Variants in CNTNAP4 observed in about 807,000 individuals in gnomAD.
The protein encoded by CNTNAP4 is contactin associated protein family member 4.
A neutral mutation model predicts 148.4 loss-of-function variants in CNTNAP4; 98 were observed. The observed-to-expected ratio is 0.66, with a 90% CI of 0.56 to 0.78. CNTNAP4 has a LOEUF of 0.78. Among genes scored for constraint, CNTNAP4 ranks in the 30% least tolerant of loss-of-function variants. The pLI is 0.00. For missense variants in CNTNAP4, 1,935 were observed against 1,565.6 expected (o/e 1.24, Z -3.98); for synonymous variants, 730 against 565.1 (o/e 1.29, Z -4.14).
intron 3 of CNTNAP4, among the ~76,000 whole-genome samples, chr16:76,382,387 A>T (rs2016069961): frequency 6.6e-6 from 1 of 151,656 alleles, no homozygotes. Context: ...TCCCATTGCC[A>T]AAAAAATCTT....
At chr16:76,361,076 A>G (rs1408922707) in intron 3 of CNTNAP4, among the ~76,000 whole-genome samples, 1 of 151,240 alleles carries the variant, frequency 6.6e-6, no homozygotes, top group African/African-American at 2.4e-5. Context: ...GCCTGCCTCA[A>G]CCTCCCAAAG....
At chr16:76,490,930 G>A (rs2082195896) in intron 13 of CNTNAP4, among the ~76,000 whole-genome samples, 1 of 152,106 alleles carries the variant, frequency 6.6e-6, no homozygotes, top group South Asian at 2.1e-4. Context: ...AAGAAGGGCT[G>A]GAGTTTCAGA....
intron 4 of CNTNAP4, among the ~76,000 whole-genome samples, chr16:76,447,356 T>TTATATATATATATATATGAAATTA (rs369902182): frequency 1.4e-5 from 2 of 147,466 alleles, no homozygotes; most frequent in African/African-American, 5.0e-5. Flanking sequence ...ATATATGAAA[T>TTATATATATATATATATGAAATTA]TATATATATA....
chr16:76,533,914 T>G (rs940944121), intron 17 of CNTNAP4, among the ~76,000 whole-genome samples: 2 of 152,194 alleles, frequency 1.3e-5, no homozygotes, highest in African/African-American at 4.8e-5. Context: ...GGAAACATTT[T>G]GAATAGACAT....
Position 76,495,012 on chromosome 16 carries a change from G to T in CNTNAP4, c.2183G>T (p.Gly728Val), listed in dbSNP as rs1173355804. Residue 728 changes from glycine to valine, a missense_variant, in exon 14 of 24, where the codon GGA (glycine) becomes GTA (valine). By Grantham distance (109) the Gly-to-Val change is moderately radical. Coordinates refer to ENST00000611870, the MANE Select transcript of CNTNAP4 (RefSeq NM_033401.5). ...DLQKCTCGLE[G>V]NCIDSQYYCN... ...CAAAAATGTACTTGTGGATTAGAGG[G>T]AAACTGCATTGATTCTCAGTATTAC... The T allele has an allele frequency of 6.2e-7, 1 of 1,613,378 alleles. No homozygotes were observed. Among genetic ancestry groups the T allele is most frequent in the East Asian group, 2.2e-5 (1 of 44,852 alleles).
chr16:76,367,106 A>G (rs1002675916), intron 3 of CNTNAP4, among the ~76,000 whole-genome samples: 3 of 151,918 alleles, frequency 2.0e-5, no homozygotes, highest in Non-Finnish European at 4.4e-5. Context: ...TGGTATAAGA[A>G]CACATGGGAC....
chr16:76,497,064 G>A (rs2082424008), intron 14 of CNTNAP4, among the ~76,000 whole-genome samples: 1 of 152,154 alleles, frequency 6.6e-6, no homozygotes. Flanking sequence ...AGGCTAAAGA[G>A]AAATAATGGA....
At chr16:76,436,495 A>T (rs988389873) in intron 4 of CNTNAP4, among the ~76,000 whole-genome samples, 9 of 151,906 alleles carry the variant, frequency 5.9e-5, no homozygotes, top group African/African-American at 1.9e-4. Flanking sequence ...AGCTTTCTCT[A>T]AAGGAGATAA....
chr16:76,492,990 A>G (rs1245353537), intron 13 of CNTNAP4, among the ~76,000 whole-genome samples: 1 of 151,628 alleles, frequency 6.6e-6, no homozygotes, highest in Non-Finnish European at 1.5e-5. Context: ...TTCAGGCTCA[A>G]TAACCAGTTT....
chr16:76,372,438 G>A (rs1029951750), intron 3 of CNTNAP4, among the ~76,000 whole-genome samples: 3 of 151,794 alleles, frequency 2.0e-5, no homozygotes, highest in Non-Finnish European at 4.4e-5. Flanking sequence ...GTGGGCCACC[G>A]TGCCCTGCTG....
At chr16:76,406,912 A>C (rs1196660899) in intron 3 of CNTNAP4, among the ~76,000 whole-genome samples, 1 of 152,218 alleles carries the variant, frequency 6.6e-6, no homozygotes, top group East Asian at 1.9e-4. Context: ...TAAGTTATCC[A>C]GAAGATGTAG....
At chr16:76,437,591 T>C (rs547913008) in intron 4 of CNTNAP4, among the ~76,000 whole-genome samples, 1 of 152,136 alleles carries the variant, frequency 6.6e-6, no homozygotes, top group East Asian at 1.9e-4. Flanking sequence ...TTCATGATAA[T>C]AATAATTGAA....
At chr16:76,287,795 A>G (rs1958949387) in intron 1 of CNTNAP4, 1 of 152,132 alleles carries the variant, frequency 6.6e-6, no homozygotes, top group Non-Finnish European at 1.5e-5. Context: ...TACTACACAT[A>G]TTATTGTAGT....
intron 18 of CNTNAP4, among the ~76,000 whole-genome samples, chr16:76,536,497 T>G (rs2084220030): frequency 6.6e-6 from 1 of 152,122 alleles, no homozygotes; most frequent in Non-Finnish European, 1.5e-5. Flanking sequence ...TGCCCGGCCC[T>G]GTTACTATTG....
chr16:76,331,766 C>G (rs866423236), intron 2 of CNTNAP4, among the ~76,000 whole-genome samples: 10 of 152,046 alleles, frequency 6.6e-5, no homozygotes, highest in Admixed American at 2.0e-4. Context: ...AATTACAAAC[C>G]TCCAATAAAA....
intron 4 of CNTNAP4, among the ~76,000 whole-genome samples, chr16:76,428,268 T>C (rs2079482459): frequency 6.6e-6 from 1 of 152,150 alleles, no homozygotes; most frequent in Non-Finnish European, 1.5e-5. Flanking sequence ...TCCTGTTAGA[T>C]ACACTTTTAT....
chr16:76,291,277 G>C (rs1406914540), intron 1 of CNTNAP4, among the ~76,000 whole-genome samples: 1 of 152,128 alleles, frequency 6.6e-6, no homozygotes, highest in East Asian at 1.9e-4. Flanking sequence ...CTTAACAGCT[G>C]AGTGGAGTCA....
chr16:76,439,093 C>G (rs1336962868), intron 4 of CNTNAP4, among the ~76,000 whole-genome samples: 5 of 152,252 alleles, frequency 3.3e-5, no homozygotes, highest in African/African-American at 4.8e-5. Context: ...TTTGCCTGCT[C>G]TCTTCCTTCG....
chr16:76,445,588 T>G (rs2080208612), intron 4 of CNTNAP4, among the ~76,000 whole-genome samples: 1 of 152,104 alleles, frequency 6.6e-6, no homozygotes. Context: ...TATATGTTTT[T>G]CTCTATGCCA....
Sources: allele counts gnomAD v4.1 joint callset (sites outside exome capture counted in the v4.1 genomes callset), GRCh38; gene constraint gnomAD v4.1.1; transcripts MANE v1.5; gene names NCBI Gene and HGNC (gene_info 2026-07-23, HGNC 2026-07-21).